TBXAS1: variants seen among roughly 807,000 people sequenced by gnomAD.
The protein encoded by TBXAS1 is thromboxane-A synthase.
TBXAS1 carries 48 observed loss-of-function variants against 60.7 expected under a neutral mutation model. The ratio of observed to expected loss-of-function variants is 0.79; its 90% CI spans 0.63 to 1.01. TBXAS1 has a LOEUF of 1.01. Among genes scored for constraint, TBXAS1 ranks in the 50% least tolerant of loss-of-function variants. TBXAS1 has a pLI of 0.00. For synonymous variants in TBXAS1, 287 were observed against 269.7 expected (o/e 1.06, Z -0.63); for missense variants, 685 against 686.3 (o/e 1.00, Z 0.02).
intron 9 of TBXAS1, among the ~76,000 whole-genome samples, chr7:140,005,231 C>A (rs913912877): frequency 2.0e-5 from 3 of 152,152 alleles, no homozygotes; most frequent in African/African-American, 7.2e-5. Context: ...AAGTTGGAGA[C>A]CAACCTGGCC....
intron 4 of TBXAS1, among the ~76,000 whole-genome samples, chr7:139,802,864 C>G (rs1490577339): frequency 1.3e-5 from 2 of 152,168 alleles, no homozygotes; most frequent in South Asian, 2.1e-4. Context: ...TGCACATGCT[C>G]TCTTGCCTGC....
intron 3 of TBXAS1, among the ~76,000 whole-genome samples, chr7:139,904,572 C>T (rs1215646197): frequency 6.6e-6 from 1 of 152,174 alleles, no homozygotes; most frequent in Non-Finnish European, 1.5e-5. Flanking sequence ...TTCGACCCAT[C>T]CATGAGCATG....
chr7:139,802,033 G>A (rs954645461), intron 4 of TBXAS1, among the ~76,000 whole-genome samples: 1 of 152,112 alleles, frequency 6.6e-6, no homozygotes, highest in Admixed American at 6.5e-5. Flanking sequence ...CAAAGTGCTG[G>A]GATTACAGGT....
chr7:139,913,201 G>A (rs1462521135), intron 4 of TBXAS1: 2 of 697,790 alleles, frequency 2.9e-6, no homozygotes, highest in Non-Finnish European at 5.3e-6. Context: ...CTTCTCTGCT[G>A]CCTCTAGATT....
At chr7:139,830,538 A>ATT (rs8192800) in intron 1 of TBXAS1, among the ~76,000 whole-genome samples, 16,669 of 150,442 alleles carry the variant, frequency 0.11, 2,958 homozygotes, top group African/African-American at 0.38. Flanking sequence ...AACTGGTTTA[A>ATT]TTTTTTTTTT....
intron 3 of TBXAS1, among the ~76,000 whole-genome samples, chr7:139,908,955 T>C (rs1453819099): frequency 6.6e-6 from 1 of 152,242 alleles, no homozygotes; most frequent in East Asian, 1.9e-4. Flanking sequence ...TGACTTGTGA[T>C]TGACAGCTAT....
chr7:139,990,813 G>A (rs1490934151), intron 9 of TBXAS1, among the ~76,000 whole-genome samples: 2 of 151,924 alleles, frequency 1.3e-5, no homozygotes, highest in Non-Finnish European at 2.9e-5. Flanking sequence ...CAACCAGCTG[G>A]CCCCACCCCT....
At chr7:139,868,854 T>A (rs1437193702) in intron 1 of TBXAS1, among the ~76,000 whole-genome samples, 1 of 151,694 alleles carries the variant, frequency 6.6e-6, no homozygotes, top group Non-Finnish European at 1.5e-5. Context: ...GGTTTTGCCA[T>A]GTTGGCCAGG....
chr7:139,784,654 T>C (rs1797128719), intron 3 of TBXAS1, among the ~76,000 whole-genome samples: 1 of 152,218 alleles, frequency 6.6e-6, no homozygotes, highest in Non-Finnish European at 1.5e-5. Context: ...GCCGAGACAG[T>C]GGTCAGGAAT....
At chr7:139,804,814 C>T (rs9632670) in intron 4 of TBXAS1, among the ~76,000 whole-genome samples, 90,879 of 151,796 alleles carry the variant, frequency 0.6, 27,640 homozygotes, top group East Asian at 0.95. Flanking sequence ...GCCTCCCACC[C>T]ATGTGAAACT....
chr7:140,002,699 G>T (rs2116352913), intron 9 of TBXAS1, among the ~76,000 whole-genome samples: 1 of 152,310 alleles, frequency 6.6e-6, no homozygotes, highest in African/African-American at 2.4e-5. Flanking sequence ...CAGTCGGAAA[G>T]ACCTATGCCC....
chr7:139,996,931 T>G (rs1813341623), intron 9 of TBXAS1, among the ~76,000 whole-genome samples: 1 of 152,226 alleles, frequency 6.6e-6, no homozygotes, highest in African/African-American at 2.4e-5. Flanking sequence ...CACTTTTGCC[T>G]GGACTATTGC....
rs1414408218 is a variant in TBXAS1, at chr7:139,999,701, C to T, written c.1135-7390C>T. Among the ~76,000 whole-genome samples, 1 of 152,178 alleles carries T rather than the reference C, an allele frequency of 6.6e-6. No homozygotes were observed. Among genetic ancestry groups the T allele is most frequent in the Non-Finnish European group, 1.5e-5 (1 of 68,038 alleles). ...TGGCTGTATTGCCCCAAGCTGTCCT[C>T]GTGCTTAAGGGATTTCCAGCTCCGG... is the stretch of plus-strand genomic sequence containing the variant. On this transcript the variant is annotated intron_variant, in intron 9 of 12. Transcript: ENST00000448866. This position sits in a 1 kb window ranked among gnomAD's most constrained non-coding sequence, Gnocchi z 4.3.
chr7:139,804,122 G>C (rs1183336504), intron 4 of TBXAS1, among the ~76,000 whole-genome samples: 1 of 152,218 alleles, frequency 6.6e-6, no homozygotes, highest in East Asian at 1.9e-4. Context: ...CAGCCAGAAG[G>C]GGGGCTATAC....
intron 5 of TBXAS1, among the ~76,000 whole-genome samples, chr7:139,952,002 GAAAGAAAGAAAA>G (rs758346493): frequency 5.2e-4 from 77 of 148,158 alleles, no homozygotes; most frequent in African/African-American, 1.3e-3. Context: ...AAGAAAGAAA[GAAAGAAAGAAAA>G]AGAAAGGAAG....
chr7:139,779,318 CACG>C (rs1796900489), intron 1 of TBXAS1, among the ~76,000 whole-genome samples: 1 of 152,190 alleles, frequency 6.6e-6, no homozygotes, highest in Non-Finnish European at 1.5e-5. Flanking sequence ...AGTGGTACAT[CACG>C]ACACCTTCCT....
chr7:139,976,862 C>A (rs1218679771), intron 9 of TBXAS1, among the ~76,000 whole-genome samples: 1 of 152,194 alleles, frequency 6.6e-6, no homozygotes, highest in Non-Finnish European at 1.5e-5. Flanking sequence ...TTATAAACCT[C>A]CACATCCTTA....
chr7:139,813,643 A>G (rs1798079068), intron 4 of TBXAS1, among the ~76,000 whole-genome samples: 2 of 152,178 alleles, frequency 1.3e-5, no homozygotes, highest in African/African-American at 4.8e-5. Flanking sequence ...TTTTTCTGTA[A>G]TCATCATCAA....
chr7:139,989,836 A>G lies in TBXAS1; in HGVS notation c.1135-17255A>G, dbSNP rs565378042. Among the ~76,000 whole-genome samples, 7 of 152,274 alleles carry G rather than the reference A, an allele frequency of 4.6e-5. No homozygotes were observed. The South Asian group carries it at 1.2e-3, about 27-fold the overall frequency. ...ACTCCGATGCCATGGTCCTATAGCAATCAGGGTGCTGAGTGAGTCCCTGCC... is the reference window on the plus strand; with the variant it reads ...ACTCCGATGCCATGGTCCTATAGCAGTCAGGGTGCTGAGTGAGTCCCTGCC... On this transcript the variant is annotated intron_variant, in intron 9 of 12. Coordinates refer to ENST00000448866, the MANE Select transcript of TBXAS1 (RefSeq NM_001061.7).
Sources: gnomAD v4.1 joint callset for allele counts (sites outside exome capture counted in the v4.1 genomes callset) on GRCh38, gnomAD v4.1.1 for gene constraint, Gnocchi (gnomAD v3.1) non-coding constraint, MANE v1.5 for transcripts, NCBI Gene and HGNC (gene_info 2026-07-23, HGNC 2026-07-21) for gene names.